The following SFMBT2 variants were observed in gnomAD, a reference collection of about 807,000 sequenced individuals.
SFMBT2 encodes Scm like with four mbt domains 2, also known as scm-like with four MBT domains protein 2.
SFMBT2 carries 38 observed loss-of-function variants against 110.1 expected under a neutral mutation model. The ratio of observed to expected loss-of-function variants is 0.35; its 90% CI spans 0.27 to 0.45. The LOEUF (loss-of-function observed/expected upper bound fraction) is 0.45, where lower values mean the gene tolerates loss of function less well. SFMBT2 is among the 20% of genes least tolerant of loss of function. The probability of loss-of-function intolerance (pLI) is 1.00; values close to 1 mark genes in which losing one functional copy is unlikely to be tolerated. For missense variants in SFMBT2, 1,011 were observed against 1,094.9 expected (o/e 0.92, Z 1.08); for synonymous variants, 425 against 425.4 (o/e 1.00, Z 0.01).
rs771928501 is a variant in SFMBT2, at chr10:7,170,903, A to T, written c.2544+25T>A. 3.7e-6 allele frequency: 6 copies of T among 1,613,798 alleles called. No individual in the cohort carries two copies. In the East Asian group the frequency reaches 1.3e-4, roughly 36 times the overall value. On this transcript the variant is annotated intron_variant, in intron 20 of 20. Transcript: ENST00000397167. The surrounding 1 kb of genome is among the most constrained non-coding windows in gnomAD (Gnocchi z 4.6). ...GATGCAGAGTCTCAGCACATCAAAC[A>T]ATCGACACGCGGCAACCACCGTACC...
chr10:7,403,205 T>C (rs898458107), intron 1 of SFMBT2, among the ~76,000 whole-genome samples: 1 of 152,202 alleles, frequency 6.6e-6, no homozygotes, highest in African/African-American at 2.4e-5. Context: ...AATCTAGTCT[T>C]ACCCCATTTC....
chr10:7,352,738 G>A (rs985828852), intron 4 of SFMBT2, among the ~76,000 whole-genome samples: 2 of 152,092 alleles, frequency 1.3e-5, no homozygotes, highest in African/African-American at 2.4e-5. Flanking sequence ...GGGGCCGGGC[G>A]TGGTGGCTCA....
intron 4 of SFMBT2, among the ~76,000 whole-genome samples, chr10:7,296,263 T>C (rs1271156466): frequency 6.6e-6 from 1 of 152,202 alleles, no homozygotes; most frequent in African/African-American, 2.4e-5. Flanking sequence ...TTTAAAGAAT[T>C]ACCTTCCAAA....
chr10:7,411,065 C>CTTTT (rs766788794), upstream of SFMBT2, among the ~76,000 whole-genome samples: 98 of 53,912 alleles, frequency 1.8e-3, 8 homozygotes, highest in Middle Eastern at 0.014. Context: ...GCTCGGCGCT[C>CTTTT]TTTTTTTTTT....
chr10:7,195,344 C>G lies in SFMBT2; in HGVS notation c.1698+2204G>C, dbSNP rs113621964. The stretch of plus-strand genomic sequence containing the variant: ...TGCTGCTTAACCACACTGCGGAGCC[C>G]TTCCCAGGGTGTGGCCCTCCCAACT... On this transcript the variant is annotated intron_variant, in intron 15 of 20. Transcript: ENST00000397167. 2.8e-3 allele frequency among the ~76,000 whole-genome samples: 424 copies of G among 152,338 alleles called. 2 individuals are homozygous for G. The highest frequency in any genetic ancestry group is 9.7e-3 in the African/African-American group (403 of 41,564).
chr10:7,255,599 G>C (rs1479701589), intron 7 of SFMBT2, among the ~76,000 whole-genome samples: 1 of 152,198 alleles, frequency 6.6e-6, no homozygotes, highest in Non-Finnish European at 1.5e-5. Context: ...TTGGAAGACT[G>C]TCTTCACAGG....
intron 4 of SFMBT2, among the ~76,000 whole-genome samples, chr10:7,298,166 T>C (rs779008829): frequency 3.9e-5 from 6 of 152,304 alleles, no homozygotes; most frequent in Non-Finnish European, 8.8e-5. Context: ...AGAGATCCTG[T>C]CTCTTGGGAT....
chr10:7,381,080 CAT>C (rs1845408345), intron 2 of SFMBT2, among the ~76,000 whole-genome samples: 1 of 149,898 alleles, frequency 6.7e-6, no homozygotes, highest in African/African-American at 2.5e-5. Context: ...CACATACATA[CAT>C]ACATACATAC....
chr10:7,193,420 C>A (rs562609603), intron 15 of SFMBT2, among the ~76,000 whole-genome samples: 2 of 152,272 alleles, frequency 1.3e-5, no homozygotes, highest in Non-Finnish European at 2.9e-5. Context: ...CTCCCCAAGT[C>A]TCTGAGAGCC....
intron 9 of SFMBT2, among the ~76,000 whole-genome samples, chr10:7,229,586 C>G (rs2131679573): frequency 8.3e-6 from 1 of 120,534 alleles, no homozygotes; most frequent in Non-Finnish European, 1.8e-5. Flanking sequence ...CAGAGCAAGA[C>G]TCCATCTCAA....
chr10:7,172,721 G>A lies in SFMBT2; in HGVS notation c.1985-60C>T, dbSNP rs551584322. On this transcript the variant is annotated intron_variant, in intron 17 of 20. Coordinates refer to ENST00000397167, the MANE Select transcript of SFMBT2 (RefSeq NM_001387889.1). The surrounding 1 kb of genome is among the most constrained non-coding windows in gnomAD (Gnocchi z 4.6). ...ATACACACACACAGACATGAACAGA[G>A]AGAGGAGAGAGAAAGAAGGGAAACG... The A allele has an allele frequency of 4.6e-4, 688 of 1,510,692 alleles. 2 individuals carry two copies. Among genetic ancestry groups the A allele is most frequent in the Non-Finnish European group, 6.0e-4 (671 of 1,121,136 alleles). The allele number at this position is 1,510,692 out of a possible 1,614,324, so 93.6% of individuals were successfully genotyped here.
chr10:7,284,334 C>G, intron 5 of SFMBT2, 184 bp from the exon 6 acceptor site: 2 of 1,415,606 alleles, frequency 1.4e-6, no homozygotes, highest in Non-Finnish European at 1.8e-6. Flanking sequence ...CTCCCTCCCA[C>G]ACATCCATGT....
chr10:7,246,580 G>T (rs561335468), intron 8 of SFMBT2, among the ~76,000 whole-genome samples: 21 of 151,926 alleles, frequency 1.4e-4, no homozygotes, highest in Admixed American at 3.9e-4. Context: ...TTAGCCAGGC[G>T]TGGTGGCAGG....
intron 7 of SFMBT2, among the ~76,000 whole-genome samples, chr10:7,266,555 C>G (rs111248157): frequency 6.6e-6 from 1 of 152,158 alleles, no homozygotes; most frequent in South Asian, 2.1e-4. Context: ...ACGGCAGGTA[C>G]GTGAAGCCTC....
intron 10 of SFMBT2, among the ~76,000 whole-genome samples, chr10:7,226,895 G>C (rs547572806): frequency 6.6e-6 from 1 of 152,276 alleles, no homozygotes; most frequent in South Asian, 2.1e-4. Context: ...ATACCATCTA[G>C]GCCTGTGTAG....
chr10:7,205,689 T>C, intron 12 of SFMBT2, 126 bp downstream of exon 12: 1 of 1,418,040 alleles, frequency 7.1e-7, no homozygotes. Context: ...AAACATGGGT[T>C]CTTGGTGGAA....
Position 7,220,463 on chromosome 10 carries a change from A to G in SFMBT2, c.1278T>C (p.Cys426=). 6.2e-7 allele frequency: 1 copy of G among 1,614,066 alleles called. No individual in the cohort carries two copies. The highest frequency in any genetic ancestry group is 8.5e-7 in the Non-Finnish European group (1 of 1,179,960). The part of the protein sequence containing the change: ...AVNPRNPGEL[C]VASVVSVKGR... ...CCTTCACACTCACAACGGAGGCCAC[A>G]CACAGTTCTCCTGGATTCCTGGGGT... Residue 426 remains cysteine (C), a synonymous_variant, in exon 11 of 21, where the codon TGT becomes TGC. Coordinates refer to ENST00000397167, the MANE Select transcript of SFMBT2 (RefSeq NM_001387889.1).
chr10:7,394,794 A>G (rs897901060), intron 1 of SFMBT2, among the ~76,000 whole-genome samples: 14 of 151,920 alleles, frequency 9.2e-5, no homozygotes, highest in Admixed American at 8.5e-4. Flanking sequence ...CCTTTCTGCT[A>G]TAATCTACAC....
At chr10:7,257,550 G>A (rs963401475) in intron 7 of SFMBT2, among the ~76,000 whole-genome samples, 4 of 152,156 alleles carry the variant, frequency 2.6e-5, no homozygotes, top group Non-Finnish European at 4.4e-5. Flanking sequence ...GTATACACGT[G>A]GCTGTGAGTA....
Sources: allele counts gnomAD v4.1 joint callset (sites outside exome capture counted in the v4.1 genomes callset), GRCh38; gene constraint gnomAD v4.1.1; non-coding constraint Gnocchi (gnomAD v3.1); transcripts MANE v1.5; gene names NCBI Gene and HGNC (gene_info 2026-07-23, HGNC 2026-07-21).